Variants in SLC24A2 observed in about 807,000 individuals in gnomAD.
SLC24A2 encodes the protein sodium/potassium/calcium exchanger 2.
Under a neutral mutation model 62.0 loss-of-function variants are expected in SLC24A2, and 36 were observed. The ratio of observed to expected loss-of-function variants is 0.58; its 90% CI spans 0.44 to 0.77. SLC24A2 has a LOEUF of 0.77. SLC24A2 is among the 30% of genes least tolerant of loss of function. The pLI is 0.00. For missense variants in SLC24A2, 846 were observed against 817.9 expected (o/e 1.03, Z -0.42); for synonymous variants, 358 against 294.0 (o/e 1.22, Z -2.23).
chr9:20,245,074 A>T, the SLC24A2 span, among the ~76,000 whole-genome samples: 4 of 151,872 alleles, frequency 2.6e-5, no homozygotes, highest in African/African-American at 9.7e-5. Flanking sequence ...TGGGAAAAAT[A>T]AAAAAAAATT....
intron 5 of SLC24A2, among the ~76,000 whole-genome samples, chr9:19,587,759 G>C (rs913213829): frequency 2.0e-5 from 3 of 151,960 alleles, no homozygotes; most frequent in Non-Finnish European, 4.4e-5. Flanking sequence ...TTCATCTCTA[G>C]AGATGTCAGT....
At chr9:19,902,753 G>A in the SLC24A2 span, among the ~76,000 whole-genome samples, 4 of 152,158 alleles carry the variant, frequency 2.6e-5, no homozygotes, top group Non-Finnish European at 4.4e-5. Context: ...GAGTGAGAAG[G>A]CAGGAATAAG....
the SLC24A2 span, among the ~76,000 whole-genome samples, chr9:20,007,679 A>C: frequency 6.6e-6 from 1 of 152,080 alleles, no homozygotes; most frequent in Non-Finnish European, 1.5e-5. Flanking sequence ...TTACATCAGA[A>C]GTCCCTTTGG....
In SLC24A2 at chr9:19,580,275, C is replaced by T. The variant is rs141637252; in HGVS notation, c.1130-3253G>A. Among the ~76,000 whole-genome samples the T allele has an allele frequency of 3.0e-3, 461 of 152,304 alleles. 3 individuals carry two copies. The highest frequency in any genetic ancestry group is 1.0e-2 in the African/African-American group (414 of 41,562). On this transcript the variant is annotated intron_variant, in intron 5 of 10. Transcript: ENST00000341998. ...ACATCCTAAGCGCTGACAATGGCTG[C>T]GCCATAGGCTAGAAGGATTTTCCGT...
chr9:20,270,480 C>A, the SLC24A2 span, among the ~76,000 whole-genome samples: 34 of 152,218 alleles, frequency 2.2e-4, no homozygotes, highest in African/African-American at 8.2e-4. Context: ...CTCTTTGCAA[C>A]CCATCCCCAC....
the SLC24A2 span, among the ~76,000 whole-genome samples, chr9:20,159,436 C>T: frequency 6.6e-6 from 1 of 151,494 alleles, no homozygotes; most frequent in South Asian, 2.1e-4. Flanking sequence ...CAATTTTCAC[C>T]CCATGGATGT....
chr9:19,628,005 T>C (rs1372537569), intron 2 of SLC24A2, among the ~76,000 whole-genome samples: 1 of 152,232 alleles, frequency 6.6e-6, no homozygotes, highest in Non-Finnish European at 1.5e-5. Flanking sequence ...AGAAATGAAT[T>C]CTTTCAATGC....
chr9:20,216,150 C>T, the SLC24A2 span, among the ~76,000 whole-genome samples: 3 of 152,176 alleles, frequency 2.0e-5, no homozygotes, highest in Non-Finnish European at 4.4e-5. Context: ...CTCCTGATAT[C>T]AACGGTGCCT....
At chr9:20,097,273 C>T in the SLC24A2 span, among the ~76,000 whole-genome samples, 6 of 152,166 alleles carry the variant, frequency 3.9e-5, no homozygotes, top group African/African-American at 7.2e-5. Flanking sequence ...TCCAATTGCC[C>T]GATAATTCAT....
the SLC24A2 span, among the ~76,000 whole-genome samples, chr9:20,127,736 C>T: frequency 6.6e-6 from 1 of 152,122 alleles, no homozygotes; most frequent in Non-Finnish European, 1.5e-5. Context: ...AGGGAACAGT[C>T]ATGGCAAGAA....
the SLC24A2 span, among the ~76,000 whole-genome samples, chr9:20,057,608 T>C: frequency 6.6e-6 from 1 of 152,188 alleles, no homozygotes; most frequent in Non-Finnish European, 1.5e-5. Flanking sequence ...TATCAAGCCG[T>C]TGGATGGAGT....
At chr9:20,067,750 T>G in the SLC24A2 span, among the ~76,000 whole-genome samples, 1 of 152,290 alleles carries the variant, frequency 6.6e-6, no homozygotes, top group South Asian at 2.1e-4. Context: ...AACTCCACAG[T>G]GTATATGTAC....
the SLC24A2 span, among the ~76,000 whole-genome samples, chr9:20,014,704 G>A: frequency 2.6e-5 from 4 of 152,052 alleles, no homozygotes; most frequent in African/African-American, 9.7e-5. Context: ...GTAGAGAGGA[G>A]AATAATGGTT....
At chr9:20,035,232 G>A in the SLC24A2 span, among the ~76,000 whole-genome samples, 1 of 152,146 alleles carries the variant, frequency 6.6e-6, no homozygotes, top group African/African-American at 2.4e-5. Context: ...CCGGAATGAA[G>A]TAAGTTCTAA....
the SLC24A2 span, among the ~76,000 whole-genome samples, chr9:19,943,647 A>G: frequency 6.6e-6 from 1 of 152,184 alleles, no homozygotes; most frequent in Non-Finnish European, 1.5e-5. Context: ...CTTTGCAGCT[A>G]ATGTTCTGCT....
intron 6 of SLC24A2, among the ~76,000 whole-genome samples, chr9:19,574,512 A>G (rs2132847364): frequency 6.6e-6 from 1 of 152,272 alleles, no homozygotes; most frequent in East Asian, 1.9e-4. Flanking sequence ...AACTGGGGTG[A>G]TGGTAACAAT....
At chr9:20,019,311 G>GAAAGAAAGAAAC in the SLC24A2 span, among the ~76,000 whole-genome samples, 4 of 145,442 alleles carry the variant, frequency 2.8e-5, no homozygotes, top group African/African-American at 1.1e-4. Flanking sequence ...AAGAAAGAAA[G>GAAAGAAAGAAAC]AAAGTGAGTG....
chr9:20,228,552 G>C, the SLC24A2 span, among the ~76,000 whole-genome samples: 1 of 152,176 alleles, frequency 6.6e-6, no homozygotes, highest in Non-Finnish European at 1.5e-5. Flanking sequence ...GAAGGGAGTA[G>C]ACTGGCTTGC....
chr9:20,130,627 A>C, the SLC24A2 span, among the ~76,000 whole-genome samples: 1 of 152,184 alleles, frequency 6.6e-6, no homozygotes, highest in East Asian at 1.9e-4. Context: ...AATGAATCAG[A>C]GCCTGTAAGG....
Sources: allele counts gnomAD v4.1 joint callset (sites outside exome capture counted in the v4.1 genomes callset), GRCh38; gene constraint gnomAD v4.1.1; transcripts MANE v1.5; gene names NCBI Gene and HGNC (gene_info 2026-07-23, HGNC 2026-07-21).